The following CPEB1 variants were observed in gnomAD, a reference collection of about 807,000 sequenced individuals.
CPEB1 encodes cytoplasmic polyadenylation element binding protein 1.
CPEB1 carries 7 observed loss-of-function variants against 65.8 expected under a neutral mutation model. That is an observed-to-expected ratio of 0.11 (90% CI 0.06 to 0.20). The LOEUF (loss-of-function observed/expected upper bound fraction) is 0.20. Among genes scored for constraint, CPEB1 ranks in the 10% least tolerant of loss-of-function variants. The pLI is 1.00. For missense variants in CPEB1, 551 were observed against 712.2 expected (o/e 0.77, Z 2.58); for synonymous variants, 262 against 260.0 (o/e 1.01, Z -0.08).
At chr15:82,554,508 C>A (rs1299553971) in intron 6 of CPEB1, among the ~76,000 whole-genome samples, 1 of 152,196 alleles carries the variant, frequency 6.6e-6, no homozygotes, top group African/African-American at 2.4e-5. Flanking sequence ...CCAGCACTGG[C>A]AACCCAGTAA....
At chr15:82,587,499 T>G (rs2151128974) in intron 3 of CPEB1, among the ~76,000 whole-genome samples, 1 of 152,260 alleles carries the variant, frequency 6.6e-6, no homozygotes, top group East Asian at 1.9e-4. Context: ...CTTAAGTGGC[T>G]GGGGAAAGAG....
In CPEB1 at chr15:82,606,626, G is replaced by A. The variant is rs1349274631; in HGVS notation, c.271+20567C>T. Among the ~76,000 whole-genome samples, 78 of 50,534 alleles carry A rather than the reference G, an allele frequency of 1.5e-3. 24 individuals are homozygous for A. Among genetic ancestry groups the A allele is most frequent in the African/African-American group, 5.7e-3 (64 of 11,210 alleles). 33.2% of individuals were successfully genotyped at this position (50,534 alleles called of 152,430 possible). Reference sequence around the variant, plus strand: ...GAGGTCAGGAGATCGAGACCATCCCGGCTAAAATGGTGAAACCCCGTCTCT... The same window carrying A: ...GAGGTCAGGAGATCGAGACCATCCCAGCTAAAATGGTGAAACCCCGTCTCT... On this transcript the variant is annotated intron_variant, in intron 3 of 12. Transcript: ENST00000684509.
chr15:82,618,180 T>C (rs1020867370), intron 3 of CPEB1, among the ~76,000 whole-genome samples: 1 of 152,124 alleles, frequency 6.6e-6, no homozygotes, highest in South Asian at 2.1e-4. Context: ...TTCCAAATAG[T>C]TGTACCATTT....
At chr15:82,629,325 A>G (rs1261978878) in intron 1 of CPEB1, 1 of 984,850 alleles carries the variant, frequency 1.0e-6, no homozygotes, top group East Asian at 1.1e-4. Flanking sequence ...GTAAGTACCA[A>G]CAGTGGTAAA....
chr15:82,543,570 AT>A lies in CPEB1; in HGVS notation c.*1021del, dbSNP rs2034667168. The A allele has an allele frequency of 6.6e-6, 1 of 152,080 alleles. No individual in the cohort carries two copies. The highest frequency in any genetic ancestry group is 6.6e-5 in the Admixed American group (1 of 15,222). 9.4% of individuals were successfully genotyped at this position (152,080 alleles called of 1,614,324 possible). ...ATCTCATACATTCCTCAAATTAAAG[AT>A]ATAAGGGAAGGGTACTTGCCCCCTC... On this transcript the variant is annotated 3_prime_UTR_variant, in exon 13 of 13. Coordinates refer to ENST00000684509, the MANE Select transcript of CPEB1 (RefSeq NM_001365242.1).
intron 3 of CPEB1, among the ~76,000 whole-genome samples, chr15:82,594,884 A>G (rs889163392): frequency 5.3e-5 from 8 of 152,152 alleles, no homozygotes; most frequent in African/African-American, 1.9e-4. Context: ...GAGACAGGAG[A>G]ACGGCCGACT....
intron 3 of CPEB1, among the ~76,000 whole-genome samples, chr15:82,608,188 A>C (rs1314915652): frequency 6.6e-6 from 1 of 152,146 alleles, no homozygotes; most frequent in Non-Finnish European, 1.5e-5. Context: ...CCAGCCTTTT[A>C]AGCTTTTTTG....
At chr15:82,630,462 C>T (rs994068512) in intron 1 of CPEB1, among the ~76,000 whole-genome samples, 1 of 152,048 alleles carries the variant, frequency 6.6e-6, no homozygotes, top group Non-Finnish European at 1.5e-5. Context: ...AAACATTAGA[C>T]AGGTATGGTG....
chr15:82,554,804 C>G (rs534082513), intron 6 of CPEB1, among the ~76,000 whole-genome samples: 1 of 152,308 alleles, frequency 6.6e-6, no homozygotes. Flanking sequence ...AGGAATAGGC[C>G]CAACGTGTTG....
intron 7 of CPEB1, 54 bp downstream of exon 7, chr15:82,553,824 T>C: frequency 7.8e-7 from 1 of 1,285,034 alleles, no homozygotes. Context: ...TTCATGCTCC[T>C]GAAAGACATG....
chr15:82,571,970 C>T, intron 3 of CPEB1: 2 of 533,100 alleles, frequency 3.8e-6, no homozygotes, highest in Non-Finnish European at 4.8e-6. Flanking sequence ...GTCTGGGTTG[C>T]AAGGCAGCGC....
Position 82,557,675 on chromosome 15 carries a change from T to C in CPEB1, c.687+85A>G, listed in dbSNP as rs1173048864. Reference sequence around the variant, plus strand: ...CAGCCTGCATTCCAGGGGACAGGCATCCCATAGATATTGTACCCTCCTTCC... The same window carrying C: ...CAGCCTGCATTCCAGGGGACAGGCACCCCATAGATATTGTACCCTCCTTCC... On this transcript the variant is annotated intron_variant, in intron 5 of 12. Coordinates refer to ENST00000684509, the MANE Select transcript of CPEB1 (RefSeq NM_001365242.1). The C allele has an allele frequency of 2.7e-6, 3 of 1,121,790 alleles. 1 individual carries two copies. The East Asian group carries it at 7.1e-5, about 26-fold the overall frequency. The allele number at this position is 1,121,790 out of a possible 1,614,324, so 69.5% of individuals were successfully genotyped here.
At chr15:82,606,254 G>A (rs963144281) in intron 3 of CPEB1, among the ~76,000 whole-genome samples, 13 of 148,510 alleles carry the variant, frequency 8.8e-5, no homozygotes, top group African/African-American at 3.2e-4. Flanking sequence ...GATCACTTGA[G>A]TTCAGGGGTT....
chr15:82,647,519 C>T (rs898517005), upstream of CPEB1: 32 of 255,534 alleles, frequency 1.3e-4, no homozygotes, highest in East Asian at 2.1e-3. Flanking sequence ...TTCCGGGCGC[C>T]GGTGCTCCTT....
intron 8 of CPEB1, among the ~76,000 whole-genome samples, chr15:82,552,910 AG>A (rs1174899456): frequency 6.6e-6 from 1 of 152,252 alleles, no homozygotes; most frequent in East Asian, 1.9e-4. Context: ...CAGCAGAGCC[AG>A]GCTTTCCTGG....
At chr15:82,637,302 T>C (rs1229114920) in intron 1 of CPEB1, among the ~76,000 whole-genome samples, 3 of 152,148 alleles carry the variant, frequency 2.0e-5, no homozygotes, top group Non-Finnish European at 4.4e-5. Context: ...CAGCTTCCAT[T>C]ACTATCCTTT....
In CPEB1 at chr15:82,557,011, T is replaced by C. The variant is rs55732481; in HGVS notation, c.687+749A>G. The stretch of plus-strand genomic sequence containing the variant: ...GGAGATTTGGCAACAAAAATGCTTA[T>C]AAGGCATCTGAAACTGTATTCTTAT... On this transcript the variant is annotated intron_variant, in intron 5 of 12. Transcript: ENST00000684509. 7.5e-3 allele frequency among the ~76,000 whole-genome samples: 1,140 copies of C among 152,296 alleles called. 13 individuals are homozygous for C. The highest frequency in any genetic ancestry group is 8.5e-3 in the Non-Finnish European group (575 of 68,020).
At chr15:82,555,821 G>A (rs373329084) in intron 6 of CPEB1, 49 bp downstream of exon 6, 103 of 1,573,774 alleles carry the variant, frequency 6.5e-5, no homozygotes, top group Non-Finnish European at 8.4e-5. Flanking sequence ...CTTCCTCTCT[G>A]CTCCCAAAAT....
intron 3 of CPEB1, among the ~76,000 whole-genome samples, chr15:82,599,435 G>GA (rs200621762): frequency 1.6e-4 from 24 of 151,642 alleles, no homozygotes; most frequent in African/African-American, 3.1e-4. Flanking sequence ...CCTTCTTCCT[G>GA]AAAAAAAATG....
Sources: allele counts gnomAD v4.1 joint callset (sites outside exome capture counted in the v4.1 genomes callset), GRCh38; gene constraint gnomAD v4.1.1; transcripts MANE v1.5; gene names NCBI Gene and HGNC (gene_info 2026-07-23, HGNC 2026-07-21).